The following DST variants were observed in gnomAD, a reference collection of about 807,000 sequenced individuals.
The protein encoded by DST is bullous pemphigoid antigen.
A neutral mutation model predicts 875.2 loss-of-function variants in DST; 253 were observed. The observed-to-expected ratio is 0.29, with a 90% CI of 0.26 to 0.32. The LOEUF (loss-of-function observed/expected upper bound fraction) is 0.32, where lower values mean the gene tolerates loss of function less well. Ranked by LOEUF, DST falls within the 10% of genes least tolerant of loss-of-function variation. The pLI is 1.00. For missense variants in DST, 8,287 were observed against 9,111.6 expected (o/e 0.91, Z 3.68); for synonymous variants, 3,124 against 3,197.1 (o/e 0.98, Z 0.77).
intron 31 of DST, among the ~76,000 whole-genome samples, chr6:56,629,796 A>T (rs1011097401): frequency 2.6e-5 from 4 of 152,236 alleles, no homozygotes; most frequent in Non-Finnish European, 2.9e-5. Context: ...AAATACATGC[A>T]TTAAAAATCA....
chr6:56,735,132 T>A (rs1359969311), intron 5 of DST, 96 bp downstream of exon 5: 5 of 831,288 alleles, frequency 6.0e-6, no homozygotes, highest in Non-Finnish European at 9.7e-6. Flanking sequence ...CAAGATGATT[T>A]TCAAAAGTTG....
intron 73 of DST, among the ~76,000 whole-genome samples, chr6:56,510,676 T>A (rs574985637): frequency 4.6e-5 from 7 of 152,314 alleles, no homozygotes; most frequent in Middle Eastern, 3.4e-3. Flanking sequence ...CACTCTAATG[T>A]GCCATATCTA....
chr6:56,535,325 T>C, intron 62 of DST, 33 bp from the exon 63 acceptor site: 1 of 1,545,838 alleles, frequency 6.5e-7, no homozygotes, highest in Non-Finnish European at 8.6e-7. Context: ...ACTTATTTAT[T>C]TGTTTCACAA....
At chr6:56,683,383 T>A (rs1487857197) in intron 9 of DST, among the ~76,000 whole-genome samples, 1 of 152,234 alleles carries the variant, frequency 6.6e-6, no homozygotes, top group Non-Finnish European at 1.5e-5. Flanking sequence ...ATTATTGTAC[T>A]CTCATTCCCA....
chr6:56,497,309 T>C, intron 82 of DST, 70 bp downstream of exon 82: 1 of 1,542,980 alleles, frequency 6.5e-7, no homozygotes, highest in Non-Finnish European at 8.8e-7. Flanking sequence ...GATTTATGTA[T>C]CGCCAGGGCC....
At chr6:56,641,222 T>A (rs1027903461) in intron 17 of DST, among the ~76,000 whole-genome samples, 6 of 152,126 alleles carry the variant, frequency 3.9e-5, no homozygotes, top group African/African-American at 1.2e-4. Flanking sequence ...TATACACGTA[T>A]TTTCTTTCAA....
Position 56,624,633 on chromosome 6 carries a change from A to G in DST, c.4831-5T>C. On this transcript the variant is annotated splice_polypyrimidine_tract_variant and splice_region_variant and intron_variant, in intron 35 of 103. Transcript: ENST00000680361. ...TCGAGTCCTTAGGTCCATGAACTGC[A>G]AGTAAGGAAAAAAATAATAAAAGCA... 6.3e-7 allele frequency: 1 copy of G among 1,577,524 alleles called. No individual in the cohort carries two copies. The highest frequency in any genetic ancestry group is 8.7e-7 in the Non-Finnish European group (1 of 1,147,334).
At chr6:56,909,714 A>G (rs992506430) in intron 2 of DST, among the ~76,000 whole-genome samples, 7 of 152,218 alleles carry the variant, frequency 4.6e-5, no homozygotes, top group Non-Finnish European at 7.3e-5. Flanking sequence ...AGTCTGGGAT[A>G]GGGCTAAGAA....
At chr6:56,496,353 C>G (rs1216628529) in intron 82 of DST, among the ~76,000 whole-genome samples, 1 of 152,116 alleles carries the variant, frequency 6.6e-6, no homozygotes, top group Non-Finnish European at 1.5e-5. Context: ...TAGGTAGGAA[C>G]AGCGCACAGG....
chr6:56,567,757 G>C (rs1371290284), intron 55 of DST, among the ~76,000 whole-genome samples: 1 of 151,976 alleles, frequency 6.6e-6, no homozygotes, highest in Admixed American at 6.6e-5. Context: ...ACCCCACAGA[G>C]GATACTCAGA....
At chr6:56,927,716 A>T (rs1934441584) in intron 2 of DST, among the ~76,000 whole-genome samples, 1 of 152,218 alleles carries the variant, frequency 6.6e-6, no homozygotes, top group Admixed American at 6.5e-5. Flanking sequence ...ATCTTGACAA[A>T]AATGTTCAAT....
Position 56,784,798 on chromosome 6 carries a change from G to A in DST, c.626-49509C>T, listed in dbSNP as rs146130879. On this transcript the variant is annotated intron_variant, in intron 4 of 103. Coordinates refer to ENST00000680361, the MANE Select transcript of DST (RefSeq NM_001374736.1). The stretch of plus-strand genomic sequence containing the variant: ...TGCGTTCCTTTGGAGGAGGAGAGGC[G>A]CTCTGCTTTTTAGAGTTTCCAGTTT... 0.017 allele frequency among the ~76,000 whole-genome samples: 2,583 copies of A among 152,254 alleles called. 128 individuals carry two copies. In the East Asian group the frequency reaches 0.2, roughly 12 times the overall value.
intron 4 of DST, chr6:56,843,644 C>T: frequency 1.0e-6 from 1 of 983,978 alleles, no homozygotes; most frequent in Non-Finnish European, 1.2e-6. Flanking sequence ...CGCGGCGCAT[C>T]TGCGGCATTT....
chr6:56,685,142 A>T (rs1457646001), intron 9 of DST, among the ~76,000 whole-genome samples: 1 of 152,182 alleles, frequency 6.6e-6, no homozygotes, highest in Non-Finnish European at 1.5e-5. Flanking sequence ...TTGGTTCCAG[A>T]CCTAAGTAAA....
intron 87 of DST, 58 bp from the exon 88 acceptor site, chr6:56,485,529 GA>G: frequency 6.6e-7 from 1 of 1,519,196 alleles, no homozygotes; most frequent in Non-Finnish European, 9.0e-7. Context: ...TCATATATCT[GA>G]ACATCTAAAA....
chr6:56,588,374 T>A (rs1354670890), intron 49 of DST, among the ~76,000 whole-genome samples: 1 of 152,190 alleles, frequency 6.6e-6, no homozygotes, highest in Non-Finnish European at 1.5e-5. Flanking sequence ...TGAACTTGGC[T>A]CTTCTTCACC....
chr6:56,812,448 C>T (rs1168043798), intron 4 of DST, among the ~76,000 whole-genome samples: 1 of 152,016 alleles, frequency 6.6e-6, no homozygotes, highest in Non-Finnish European at 1.5e-5. Context: ...AAAGAGTAAA[C>T]CTGAAACATA....
chr6:56,534,855 C>T (rs2096966257), intron 63 of DST, among the ~76,000 whole-genome samples: 2 of 152,138 alleles, frequency 1.3e-5, no homozygotes, highest in African/African-American at 4.8e-5. Context: ...GTCTTTCAAT[C>T]CTGGCACACC....
At position 56,781,904 on chromosome 6, in the gene DST, C is replaced by A. The variant is rs1415544937; in HGVS notation, c.626-46615G>T. ...TATTTTGAGATACATCCCATCAATA[C>A]CTAATTTATTGACAGTTTTTAGCAT... On this transcript the variant is annotated intron_variant, in intron 4 of 103. Transcript: ENST00000680361. 9.9e-5 allele frequency among the ~76,000 whole-genome samples: 15 copies of A among 152,238 alleles called. No homozygotes were observed. In the East Asian group the frequency reaches 2.5e-3, roughly 25 times the overall value.
Sources: allele counts gnomAD v4.1 joint callset (sites outside exome capture counted in the v4.1 genomes callset), GRCh38; gene constraint gnomAD v4.1.1; transcripts MANE v1.5; gene names NCBI Gene and HGNC (gene_info 2026-07-23, HGNC 2026-07-21).